VAV3: variants seen among roughly 807,000 people sequenced by gnomAD.
The protein encoded by VAV3 is guanine nucleotide exchange factor VAV3.
In VAV3, 94 loss-of-function variants were observed where a neutral mutation model predicts 131.2. That is an observed-to-expected ratio of 0.72 (90% CI 0.61 to 0.85). The LOEUF (loss-of-function observed/expected upper bound fraction) is 0.85. Ranked by LOEUF, VAV3 falls within the 40% of genes least tolerant of loss-of-function variation. VAV3 has a pLI of 0.00. For synonymous variants in VAV3, 349 were observed against 342.0 expected, an observed-to-expected ratio of 1.02 and a Z score of -0.22; for missense variants, 939 against 1,002.7, an observed-to-expected ratio of 0.94 and a Z score of 0.86.
At chr1:107,650,578 C>T (rs1656084728) in intron 19 of VAV3, among the ~76,000 whole-genome samples, 1 of 148,728 alleles carries the variant, frequency 6.7e-6, no homozygotes, top group African/African-American at 2.5e-5. Flanking sequence ...TATTATTATA[C>T]TTTAAGTTTT....
At chr1:107,939,659 T>G (rs1271014663) in intron 1 of VAV3, among the ~76,000 whole-genome samples, 1 of 152,204 alleles carries the variant, frequency 6.6e-6, no homozygotes. Context: ...ATCTAAGTCA[T>G]GGAGCATCTT....
At chr1:107,582,604 T>C (rs1650147615) in intron 25 of VAV3, among the ~76,000 whole-genome samples, 1 of 129,882 alleles carries the variant, frequency 7.7e-6, no homozygotes, top group African/African-American at 3.0e-5. Context: ...GATGTTCCCC[T>C]TCCTGTGTCC....
chr1:107,918,858 A>G (rs1672753456), intron 1 of VAV3, among the ~76,000 whole-genome samples: 1 of 151,664 alleles, frequency 6.6e-6, no homozygotes, highest in Admixed American at 6.6e-5. Flanking sequence ...GACATCCACC[A>G]CCATGCCCAG....
rs1170957096 is a variant in VAV3 at position 107,625,779 on chromosome 1, A to T, written c.1915-8147T>A. Among the ~76,000 whole-genome samples, 3 of 152,206 alleles carry T rather than the reference A, an allele frequency of 2.0e-5. No individual in the cohort carries two copies. In the East Asian group the frequency reaches 5.8e-4, roughly 29 times the overall value. On this transcript the variant is annotated intron_variant, in intron 20 of 26. Transcript: ENST00000370056. ...CTATAATTTGATAAATTATTTGGCC[A>T]CAACTCTTAAGGGCATGTGCACATG...
chr1:107,788,461 A>C (rs1159811459), intron 2 of VAV3, among the ~76,000 whole-genome samples: 2 of 152,080 alleles, frequency 1.3e-5, no homozygotes, highest in Non-Finnish European at 2.9e-5. Context: ...CAGAGCACAA[A>C]ATTCACATGA....
chr1:107,819,381 T>C (rs1489225730), intron 2 of VAV3, among the ~76,000 whole-genome samples: 1 of 151,552 alleles, frequency 6.6e-6, no homozygotes, highest in Non-Finnish European at 1.5e-5. Flanking sequence ...CAAGAGAAAA[T>C]GATATTAGAG....
chr1:107,801,046 T>C (rs1345095267), intron 2 of VAV3, among the ~76,000 whole-genome samples: 1 of 152,172 alleles, frequency 6.6e-6, no homozygotes, highest in Non-Finnish European at 1.5e-5. Flanking sequence ...GTTATCCAGT[T>C]TTCCCAGTAC....
At chr1:107,908,093 A>G (rs1672189562) in intron 1 of VAV3, among the ~76,000 whole-genome samples, 1 of 152,202 alleles carries the variant, frequency 6.6e-6, no homozygotes, top group South Asian at 2.1e-4. Flanking sequence ...TATACTTTCA[A>G]GCTCTTTCAC....
chr1:107,765,094 A>T lies in VAV3; in HGVS notation c.903T>A (p.Asp301Glu). 2 of 1,613,010 alleles carry T rather than the reference A, an allele frequency of 1.2e-6. No individual in the cohort carries two copies. The highest frequency in any genetic ancestry group is 8.5e-7 in the Non-Finnish European group (1 of 1,179,234). The change falls in exon 9 of 27, where the codon GAT becomes GAA. Residue 301 changes from aspartate to glutamate, a missense_variant. Transcript: ENST00000370056. ...TAGGCACCTCTAATTTCAGTTTGACATCTTCTTTTGTCTTAGAAATGTAGT... is the reference window on the plus strand; with the variant it reads ...TAGGCACCTCTAATTTCAGTTTGACTTCTTCTTTTGTCTTAGAAATGTAGT... ...SLDYISKTKE[D>E]VKLKLEECSK...
intron 8 of VAV3, among the ~76,000 whole-genome samples, chr1:107,765,593 C>T (rs1179177526): frequency 2.0e-5 from 3 of 152,158 alleles, no homozygotes; most frequent in African/African-American, 7.2e-5. Context: ...CATATAACTC[C>T]TTCATTATTA....
chr1:107,676,394 A>C (rs542547537), intron 19 of VAV3, among the ~76,000 whole-genome samples: 1 of 152,332 alleles, frequency 6.6e-6, no homozygotes, highest in East Asian at 1.9e-4. Flanking sequence ...CTGTGGGGAC[A>C]ATGTACATGA....
At chr1:107,627,963 T>A (rs769029323) in intron 20 of VAV3, among the ~76,000 whole-genome samples, 1 of 151,974 alleles carries the variant, frequency 6.6e-6, no homozygotes, top group African/African-American at 2.4e-5. Flanking sequence ...ATGAAACCCA[T>A]AGCTTTTATA....
chr1:107,755,403 C>A (rs1269439068), intron 12 of VAV3, 24 bp downstream of exon 12: 2 of 1,543,006 alleles, frequency 1.3e-6, no homozygotes, highest in Non-Finnish European at 1.8e-6. Context: ...TGAGGGGAAG[C>A]TGGATGGAAA....
At chr1:107,695,473 G>A (rs1444260232) in intron 17 of VAV3, among the ~76,000 whole-genome samples, 2 of 152,136 alleles carry the variant, frequency 1.3e-5, no homozygotes, top group Non-Finnish European at 2.9e-5. Context: ...GGAAGACGTT[G>A]ACACCCAGGT....
intron 19 of VAV3, among the ~76,000 whole-genome samples, chr1:107,657,047 G>A (rs1263321404): frequency 6.9e-6 from 1 of 144,684 alleles, no homozygotes; most frequent in African/African-American, 2.6e-5. Flanking sequence ...TCTGTCTCCC[G>A]GGTTCAAAGC....
At chr1:107,864,858 G>A (rs1419583035) in intron 2 of VAV3, among the ~76,000 whole-genome samples, 1 of 152,178 alleles carries the variant, frequency 6.6e-6, no homozygotes, top group Non-Finnish European at 1.5e-5. Context: ...CAGTGACAGT[G>A]CCTTGAGAGC....
chr1:107,724,783 G>A (rs1661727230), intron 15 of VAV3, among the ~76,000 whole-genome samples: 1 of 152,008 alleles, frequency 6.6e-6, no homozygotes, highest in South Asian at 2.1e-4. Flanking sequence ...GGCATGTTCT[G>A]GAAGCTGCCA....
At chr1:107,878,376 T>C (rs1183437733) in intron 1 of VAV3, among the ~76,000 whole-genome samples, 1 of 152,204 alleles carries the variant, frequency 6.6e-6, no homozygotes, top group Non-Finnish European at 1.5e-5. Flanking sequence ...GATCCAGTCA[T>C]GTTTTACCCA....
At chr1:107,622,662 T>C (rs190557486) in intron 20 of VAV3, among the ~76,000 whole-genome samples, 2 of 152,282 alleles carry the variant, frequency 1.3e-5, no homozygotes, top group Admixed American at 1.3e-4. Flanking sequence ...TTCTCCCAAG[T>C]TACAATGCCC....
Sources: gnomAD v4.1 joint callset for allele counts (sites outside exome capture counted in the v4.1 genomes callset) on GRCh38, gnomAD v4.1.1 for gene constraint, MANE v1.5 for transcripts, NCBI Gene and HGNC (gene_info 2026-07-23, HGNC 2026-07-21) for gene names.